The following TP53BP1 variants were observed in gnomAD, a reference collection of about 807,000 sequenced individuals.
The protein encoded by TP53BP1 is TP53-binding protein 1.
TP53BP1 carries 61 observed loss-of-function variants against 200.8 expected under a neutral mutation model. That is an observed-to-expected ratio of 0.30 (90% confidence interval 0.25 to 0.38). The LOEUF (loss-of-function observed/expected upper bound fraction) is 0.38. Among genes scored for constraint, TP53BP1 ranks in the 10% least tolerant of loss-of-function variants. The pLI is 1.00. For missense variants in TP53BP1, 2,144 were observed against 2,371.9 expected (o/e 0.90, Z 2.00); for synonymous variants, 822 against 844.3 (o/e 0.97, Z 0.46).
chr15:43,459,468 G>A (rs1011801626), intron 11 of TP53BP1, among the ~76,000 whole-genome samples: 1 of 151,848 alleles, frequency 6.6e-6, no homozygotes, highest in Non-Finnish European at 1.5e-5. Context: ...CCAAAAACTA[G>A]AACCAAATGT....
intron 11 of TP53BP1, among the ~76,000 whole-genome samples, chr15:43,461,590 G>A (rs2046433204): frequency 6.6e-6 from 1 of 151,976 alleles, no homozygotes; most frequent in Non-Finnish European, 1.5e-5. Context: ...GTATACAGTA[G>A]AAGAATACTA....
chr15:43,434,348 T>G (rs2045741861), intron 16 of TP53BP1, among the ~76,000 whole-genome samples: 1 of 152,142 alleles, frequency 6.6e-6, no homozygotes, highest in South Asian at 2.1e-4. Context: ...TATTTAAATC[T>G]TTAAGACATC....
At chr15:43,445,555 A>AT (rs2143004728) in intron 14 of TP53BP1, among the ~76,000 whole-genome samples, 1 of 152,330 alleles carries the variant, frequency 6.6e-6, no homozygotes, top group South Asian at 2.1e-4. Context: ...AGCACCAATT[A>AT]TTGTGACCTT....
chr15:43,500,544 G>C (rs2079204261), intron 1 of TP53BP1, among the ~76,000 whole-genome samples: 1 of 152,102 alleles, frequency 6.6e-6, no homozygotes, highest in African/African-American at 2.4e-5. Flanking sequence ...TTTAGGCCAG[G>C]CTTGGTGGCT....
chr15:43,475,630 A>T lies in TP53BP1; in HGVS notation c.1020T>A (p.Pro340=). The change falls in exon 9 of 28, where the codon CCT becomes CCA. Residue 340 remains proline (P), a synonymous_variant. Transcript: ENST00000382044. ...GCTGCAGGAGATGCAGAGTGGTGGCAGGAGTGGAAGCCAAAGAACACCCAC... is the reference window on the plus strand; with the variant it reads ...GCTGCAGGAGATGCAGAGTGGTGGCTGGAGTGGAAGCCAAAGAACACCCAC... The part of the protein sequence containing the change: ...EEGGCSLAST[P]ATTLHLLQLS... The T allele has an allele frequency of 6.2e-7, 1 of 1,614,164 alleles. No homozygotes were observed. The highest frequency in any genetic ancestry group is 8.5e-7 in the Non-Finnish European group (1 of 1,180,036).
At chr15:43,502,897 C>T (rs914417661) in intron 1 of TP53BP1, among the ~76,000 whole-genome samples, 10 of 151,974 alleles carry the variant, frequency 6.6e-5, no homozygotes, top group Admixed American at 1.3e-4. Context: ...GGATTACAGG[C>T]GCACACCACC....
chr15:43,404,029 A>G lies in TP53BP1; in HGVS notation c.*3354T>C, dbSNP rs1424742875. ...CAGTCCTGAATAGTTTATTCAGCCC[A>G]TCAAATAAGCATTGGGTTGTTCTAA... On this transcript the variant is annotated 3_prime_UTR_variant, in exon 28 of 28. Coordinates refer to ENST00000382044, the MANE Select transcript of TP53BP1 (RefSeq NM_001141980.3). 5 of 556,020 alleles carry G rather than the reference A, an allele frequency of 9.0e-6. No homozygotes were observed. The highest frequency in any genetic ancestry group is 7.1e-5 in the South Asian group (3 of 42,198). 34.4% of individuals were successfully genotyped at this position (556,020 alleles called of 1,614,324 possible). A position where few individuals can be genotyped will look rare whatever the true frequency, so the allele number is the denominator to read the frequency against.
chr15:43,421,086 G>A lies in TP53BP1; in HGVS notation c.4189C>T (p.Pro1397Ser), dbSNP rs750065616. The A allele has an allele frequency of 1.2e-6, 2 of 1,614,220 alleles. No homozygotes were observed. The highest frequency in any genetic ancestry group is 2.2e-5 in the South Asian group (2 of 91,084). ...GLGIRQGGKA[P>S]VTPRGRGRRG... ...CGCCCACGCCCACGAGGCGTGACTG[G>A]AGCCTTCCCTCCCTGTCTGATGCCA... The change falls in exon 20 of 28, where the codon CCA becomes TCA. Residue 1397 changes from proline to serine, a missense_variant. Around this residue, in one of 4 missense-constraint regions of TP53BP1, gnomAD observed 1,700 missense variants for 1,710.3 expected, o/e 0.99. Coordinates refer to ENST00000382044, the MANE Select transcript of TP53BP1 (RefSeq NM_001141980.3).
At chr15:43,475,259 A>G (rs1005253569) in intron 9 of TP53BP1, among the ~76,000 whole-genome samples, 2 of 152,236 alleles carry the variant, frequency 1.3e-5, no homozygotes, top group Non-Finnish European at 2.9e-5. Flanking sequence ...CTCTGCTATT[A>G]AATGAGAAGA....
chr15:43,442,842 T>G (rs1379041979), intron 14 of TP53BP1, among the ~76,000 whole-genome samples: 5 of 125,144 alleles, frequency 4.0e-5, no homozygotes, highest in Non-Finnish European at 8.1e-5. Flanking sequence ...TTTTTTTTTT[T>G]GGAGACAGAA....
intron 4 of TP53BP1, among the ~76,000 whole-genome samples, chr15:43,487,924 G>A (rs942219438): frequency 2.0e-5 from 3 of 152,124 alleles, no homozygotes; most frequent in African/African-American, 7.2e-5. Context: ...TCCACGGCAT[G>A]GAAGACTACT....
rs551038749 is a variant in TP53BP1 at position 43,432,562 on chromosome 15, C to A, written c.3307G>T (p.Asp1103Tyr). 14 of 1,614,120 alleles carry A rather than the reference C, an allele frequency of 8.7e-6. No individual in the cohort carries two copies. The African/African-American group carries it at 1.5e-4, about 17-fold the overall frequency. Residue 1103 changes from aspartate to tyrosine, a missense_variant, in exon 17 of 28, where the codon GAC becomes TAC. Asp to Tyr is a radical substitution (Grantham distance 160, BLOSUM62 -3). Transcript: ENST00000382044. ...TTCTGGGAAGCAGGAGAAACAGGGT[C>A]CTTGACAGGACTAATGGGCTTCATA... ...QPMKPISPVK[D>Y]PVSPASQKMV...
At position 43,446,512 on chromosome 15, in the gene TP53BP1, A is replaced by G. The variant is rs1284309548; in HGVS notation, c.2915T>C (p.Ile972Thr). The G allele has an allele frequency of 1.2e-6, 2 of 1,614,020 alleles. No homozygotes were observed. The highest frequency in any genetic ancestry group is 2.7e-5 in the African/African-American group (2 of 74,942). ...SESMVETHDP[I>T]LGSGKGDSGA... ...AGAATCCCCTTTTCCACTCCCAAGT[A>G]TGGGATCATGGGTCTCCACCATGCT... The change falls in exon 14 of 28, where the codon ATA (isoleucine) becomes ACA (threonine). Residue 972 changes from isoleucine (I) to threonine (T), a missense_variant. This residue lies in a region of TP53BP1 where 1,700 missense variants were observed against 1,710.3 expected (regional missense o/e 0.99). Coordinates refer to ENST00000382044, the MANE Select transcript of TP53BP1 (RefSeq NM_001141980.3).
intron 23 of TP53BP1, chr15:43,415,198 CCTT>C (rs1221676851): frequency 5.9e-5 from 18 of 302,912 alleles, no homozygotes; most frequent in Admixed American, 4.6e-5. Flanking sequence ...CAAGTCCTGG[CCTT>C]CTTTTTTTTT....
chr15:43,452,973 T>A (rs1368784900), intron 12 of TP53BP1, among the ~76,000 whole-genome samples: 2 of 151,908 alleles, frequency 1.3e-5, no homozygotes. Flanking sequence ...GGCGGGCGGA[T>A]CACGAGGTCA....
At chr15:43,470,149 C>G in intron 10 of TP53BP1, 83 bp from the exon 11 acceptor site, 2 of 1,132,470 alleles carry the variant, frequency 1.8e-6, no homozygotes, top group Non-Finnish European at 2.6e-6. Flanking sequence ...AACAATTACA[C>G]TACAGACATT....
chr15:43,486,112 C>T (rs2079043719), intron 4 of TP53BP1, among the ~76,000 whole-genome samples: 1 of 152,084 alleles, frequency 6.6e-6, no homozygotes, highest in African/African-American at 2.4e-5. Context: ...GGAGGTGCCT[C>T]ACGCCCGTAA....
At position 43,407,570 on chromosome 15, in the gene TP53BP1, T is replaced by C. The variant is rs752870933; in HGVS notation, c.5747A>G (p.Asp1916Gly). Reference sequence around the variant, plus strand: ...CACATCAAATACCCCTAAAGCAATATCTGCAAGGAGCAAGGGAAAGTGAAG... The same window carrying C: ...CACATCAAATACCCCTAAAGCAATACCTGCAAGGAGCAAGGGAAAGTGAAG... ...KQHHSSAHNK[D>G]IALGVFDVVV... Residue 1916 changes from aspartate (D) to glycine (G), a missense_variant and splice_region_variant, in exon 28 of 28, where the codon GAT becomes GGT. Asp to Gly is a moderately conservative substitution (Grantham distance 94). Transcript: ENST00000382044. The C allele has an allele frequency of 6.2e-7, 1 of 1,609,694 alleles. No homozygotes were observed. Among genetic ancestry groups the C allele is most frequent in the Non-Finnish European group, 8.5e-7 (1 of 1,177,046 alleles).
chr15:43,426,905 C>T (rs1044524756), intron 18 of TP53BP1, among the ~76,000 whole-genome samples: 1 of 150,474 alleles, frequency 6.6e-6, no homozygotes, highest in South Asian at 2.1e-4. Flanking sequence ...GCAATCCCAG[C>T]GACTTGGGAG....
Sources: allele counts gnomAD v4.1 joint callset (sites outside exome capture counted in the v4.1 genomes callset), GRCh38; gene constraint gnomAD v4.1.1; regional missense constraint gnomAD v4.1.1; transcripts MANE v1.5; gene names NCBI Gene and HGNC (gene_info 2026-07-23, HGNC 2026-07-21).